Variants in PCDHGC3 observed in about 807,000 individuals in gnomAD.
PCDHGC3 encodes protocadherin gamma subfamily C, 3.
PCDHGC3 carries 26 observed loss-of-function variants against 59.2 expected under a neutral mutation model. The ratio of observed to expected loss-of-function variants is 0.44; its 90% CI spans 0.32 to 0.61. The LOEUF (loss-of-function observed/expected upper bound fraction) is 0.61, where lower values mean the gene tolerates loss of function less well. Among genes scored for constraint, PCDHGC3 ranks in the 20% least tolerant of loss-of-function variants. The pLI, the probability that PCDHGC3 is intolerant of heterozygous loss-of-function variation, is 0.05. For synonymous variants in PCDHGC3, 487 were observed against 519.7 expected (o/e 0.94, Z 0.86); for missense variants, 1,080 against 1,221.8 (o/e 0.88, Z 1.73).
chr5:141,478,072 G>A lies in PCDHGC3; in HGVS notation c.1956G>A (p.Gly652=), dbSNP rs752905249. ...QTLTVLIKDN[G]EPSLSTTATL... Reference sequence around the variant, plus strand: ...TCACGGTCTTGATCAAAGACAATGGGGAGCCTTCGCTCTCCACCACTGCTA... The same window carrying A: ...TCACGGTCTTGATCAAAGACAATGGAGAGCCTTCGCTCTCCACCACTGCTA... The change falls in exon 1 of 4, where the codon GGG becomes GGA. Residue 652 remains glycine (G), a synonymous_variant. Coordinates refer to ENST00000308177, the MANE Select transcript of PCDHGC3 (RefSeq NM_002588.4). The A allele has an allele frequency of 6.2e-7, 1 of 1,614,048 alleles. No homozygotes were observed. Among genetic ancestry groups the A allele is most frequent in the Admixed American group, 1.7e-5 (1 of 60,022 alleles).
At chr5:141,501,036 T>C (rs893597004) in intron 2 of PCDHGC3, among the ~76,000 whole-genome samples, 4 of 151,702 alleles carry the variant, frequency 2.6e-5, no homozygotes, top group Non-Finnish European at 4.4e-5. Flanking sequence ...GCCCAGCTAA[T>C]TTTTGTATTT....
In PCDHGC3 at chr5:141,511,460, A is replaced by ACCC. The variant is rs1367357803; in HGVS notation, c.*289_*291dup. The ACCC allele has an allele frequency of 2.4e-4, 137 of 564,806 alleles. 1 individual carries two copies. In the Middle Eastern group the frequency reaches 2.7e-3, roughly 11 times the overall value. The allele number at this position is 564,806 out of a possible 1,614,324, so 35.0% of individuals were successfully genotyped here. A position where few individuals can be genotyped will look rare whatever the true frequency, so the allele number is the denominator to read the frequency against. ...GTAGACACCAAGAACCATTTGCCAC[A>ACCC]CCCCGTTTAGTTACAGCTGAACTCC... On this transcript the variant is annotated 3_prime_UTR_variant, in exon 4 of 4. Transcript: ENST00000308177.
rs769461165 is a variant in PCDHGC3, at chr5:141,491,293, C to G, written c.2431-3514C>G. 2 of 1,614,048 alleles carry G rather than the reference C, an allele frequency of 1.2e-6. No individual in the cohort carries two copies. Among genetic ancestry groups the G allele is most frequent in the Admixed American group, 3.3e-5 (2 of 60,008 alleles). ...ATCCAGTGACTTCCTCATACACCCT[C>G]CTGAGCGTTCAGACCTTACCCTTTA... On this transcript the variant is annotated intron_variant, in intron 1 of 3. Coordinates refer to ENST00000308177, the MANE Select transcript of PCDHGC3 (RefSeq NM_002588.4). This position sits in a 1 kb window ranked among gnomAD's most constrained non-coding sequence, Gnocchi z 6.9.
Position 141,478,415 on chromosome 5 carries a change from C to A in PCDHGC3, c.2299C>A (p.Arg767Ser), listed in dbSNP as rs182700706. 5.6e-6 allele frequency: 9 copies of A among 1,613,648 alleles called. No homozygotes were observed. In the East Asian group the frequency reaches 2.0e-4, roughly 36 times the overall value. ...TCAGGTGTATCTCACCACGGACTCC[C>A]GCCGCAGCGACCCGCTGCTGAAGAA... The part of the protein sequence containing the change: ...YHQVYLTTDS[R>S]RSDPLLKKPG... The change falls in exon 1 of 4, where the codon CGC becomes AGC. Residue 767 changes from arginine to serine, a missense_variant. Physicochemically the swap from Arg to Ser is moderately radical, Grantham distance 110 (BLOSUM62 -1). Coordinates refer to ENST00000308177, the MANE Select transcript of PCDHGC3 (RefSeq NM_002588.4).
chr5:141,497,413 T>C (rs572922456), intron 2 of PCDHGC3, among the ~76,000 whole-genome samples: 8 of 152,046 alleles, frequency 5.3e-5, no homozygotes, highest in Admixed American at 5.2e-4. Context: ...TCCCATTCCA[T>C]CAAATGAGAG....
chr5:141,509,586 T>A (rs2154594569), intron 3 of PCDHGC3, among the ~76,000 whole-genome samples: 1 of 152,302 alleles, frequency 6.6e-6, no homozygotes, highest in East Asian at 1.9e-4. Flanking sequence ...ACAAATCAGC[T>A]GGCAATTCCG....
In PCDHGC3 at chr5:141,489,873, G is replaced by A. The variant is rs1252665956; in HGVS notation, c.2431-4934G>A. The A allele has an allele frequency of 4.3e-6, 7 of 1,614,224 alleles. No homozygotes were observed. The highest frequency in any genetic ancestry group is 5.9e-6 in the Non-Finnish European group (7 of 1,180,030). On this transcript the variant is annotated intron_variant, in intron 1 of 3. Coordinates refer to ENST00000308177, the MANE Select transcript of PCDHGC3 (RefSeq NM_002588.4). The surrounding 1 kb of genome is among the most constrained non-coding windows in gnomAD (Gnocchi z 4.5). Reference sequence around the variant, plus strand: ...AAGCCCAGGCAAGACATCAGCTGGTGCTTACTGCTGTGGATGGGGGGACCC... The same window carrying A: ...AAGCCCAGGCAAGACATCAGCTGGTACTTACTGCTGTGGATGGGGGGACCC...
At position 141,475,977 on chromosome 5, in the gene PCDHGC3, A is replaced by C; in HGVS notation, c.-140A>C. ...CCCCGGGATGAGGCAGAGACTGAAC[A>C]GCCGGCGAGCAAATCAACGGCATCC... On this transcript the variant is annotated 5_prime_UTR_variant, in exon 1 of 4. Coordinates refer to ENST00000308177, the MANE Select transcript of PCDHGC3 (RefSeq NM_002588.4). The C allele has an allele frequency of 1.0e-6, 1 of 972,828 alleles. No individual in the cohort carries two copies. Among genetic ancestry groups the C allele is most frequent in the Non-Finnish European group, 1.5e-6 (1 of 659,192 alleles). The allele number at this position is 972,828 out of a possible 1,614,324, so 60.3% of individuals were successfully genotyped here. A position where few individuals can be genotyped will look rare whatever the true frequency, so the allele number is the denominator to read the frequency against.
Position 141,489,147 on chromosome 5 carries a change from A to G in PCDHGC3, c.2431-5660A>G. On this transcript the variant is annotated intron_variant, in intron 1 of 3. Coordinates refer to ENST00000308177, the MANE Select transcript of PCDHGC3 (RefSeq NM_002588.4). The surrounding 1 kb of genome is among the most constrained non-coding windows in gnomAD (Gnocchi z 4.5). ...GCAGTTTTTAAGAGGCTGGAAGGAG[A>G]CATAAGAGACTTCAGCTGCTGCATT... The G allele has an allele frequency of 1.2e-6, 1 of 802,676 alleles. No homozygotes were observed. Among genetic ancestry groups the G allele is most frequent in the Non-Finnish European group, 1.9e-6 (1 of 528,868 alleles). 49.7% of individuals were successfully genotyped at this position (802,676 alleles called of 1,614,324 possible). A position where few individuals can be genotyped will look rare whatever the true frequency, so the allele number is the denominator to read the frequency against.
rs568123995 is a variant in PCDHGC3 at position 141,511,539 on chromosome 5, C to G, written c.*366C>G. The G allele has an allele frequency of 3.0e-5, 10 of 328,342 alleles. No individual in the cohort carries two copies. The highest frequency in any genetic ancestry group is 2.1e-4 in the African/African-American group (10 of 47,452). The allele number at this position is 328,342 out of a possible 1,614,324, so 20.3% of individuals were successfully genotyped here. ...CATCCCATGCCTCCCTCCTCCCCAC[C>G]CCACTCCAACAGTTCCTCTTTCCCG... On this transcript the variant is annotated 3_prime_UTR_variant, in exon 4 of 4. Transcript: ENST00000308177.
chr5:141,494,936 G>C, intron 2 of PCDHGC3, 71 bp downstream of exon 2: 1 of 1,612,574 alleles, frequency 6.2e-7, no homozygotes, highest in South Asian at 1.1e-5. Flanking sequence ...GGAGGAGATG[G>C]GGGAGGGCCC....
chr5:141,477,268 C>T lies in PCDHGC3; in HGVS notation c.1152C>T (p.Asn384=). The part of the protein sequence containing the change: ...LSVTDLDAGE[N]GLVTCEVPPG... ...TGACTGACCTGGATGCTGGCGAGAA[C>T]GGGCTGGTGACCTGCGAAGTTCCAC... The change falls in exon 1 of 4, where the codon AAC becomes AAT. Residue 384 remains asparagine (N), a synonymous_variant. Transcript: ENST00000308177. The surrounding 1 kb of genome is among the most constrained non-coding windows in gnomAD (Gnocchi z 4.9). The T allele has an allele frequency of 6.2e-7, 1 of 1,614,196 alleles. No individual in the cohort carries two copies. The highest frequency in any genetic ancestry group is 8.5e-7 in the Non-Finnish European group (1 of 1,180,030).
rs556656447 is a variant in PCDHGC3 at position 141,500,319 on chromosome 5, C to CT, written c.2490-5073dup. Among the ~76,000 whole-genome samples the CT allele has an allele frequency of 2.6e-5, 4 of 152,122 alleles. No homozygotes were observed. The South Asian group carries it at 8.3e-4, about 32-fold the overall frequency. Reference sequence around the variant, plus strand: ...CGCCTCCCAGGTTCACGCCATGCTCCTGCCTCAGCCTCCAGAATAGCTGGG... The same window carrying CT: ...CGCCTCCCAGGTTCACGCCATGCTCCTTGCCTCAGCCTCCAGAATAGCTGGG... On this transcript the variant is annotated intron_variant, in intron 2 of 3. Coordinates refer to ENST00000308177, the MANE Select transcript of PCDHGC3 (RefSeq NM_002588.4).
intron 3 of PCDHGC3, 72 bp from the exon 4 acceptor site, chr5:141,510,875 C>T: frequency 6.2e-7 from 1 of 1,610,120 alleles, no homozygotes; most frequent in Admixed American, 1.7e-5. Context: ...TCATTAACTG[C>T]TGGGGATATA....
chr5:141,491,955 A>T lies in PCDHGC3; in HGVS notation c.2431-2852A>T. Reference sequence around the variant, plus strand: ...GGGACCGACCCCCACCCCTACACTCAAAAAAGGCCGGGGCCTCCTTCGAGC... The same window carrying T: ...GGGACCGACCCCCACCCCTACACTCTAAAAAGGCCGGGGCCTCCTTCGAGC... On this transcript the variant is annotated intron_variant, in intron 1 of 3. Coordinates refer to ENST00000308177, the MANE Select transcript of PCDHGC3 (RefSeq NM_002588.4). This position sits in a 1 kb window ranked among gnomAD's most constrained non-coding sequence, Gnocchi z 6.9. 9.7e-7 allele frequency: 1 copy of T among 1,029,648 alleles called. No homozygotes were observed. The highest frequency in any genetic ancestry group is 2.2e-5 in the South Asian group (1 of 44,530). The allele number at this position is 1,029,648 out of a possible 1,614,324, so 63.8% of individuals were successfully genotyped here. A position where few individuals can be genotyped will look rare whatever the true frequency, so the allele number is the denominator to read the frequency against.
chr5:141,485,689 G>A lies in PCDHGC3; in HGVS notation c.2430+7143G>A. On this transcript the variant is annotated intron_variant, in intron 1 of 3. Transcript: ENST00000308177. This position sits in a 1 kb window ranked among gnomAD's most constrained non-coding sequence, Gnocchi z 5.7. ...GCAATTCGATTAGCAGCTATAGGCT[G>A]AGCTCCAATGAACACTTTGCACTGG... The A allele has an allele frequency of 6.2e-7, 1 of 1,614,086 alleles. No individual in the cohort carries two copies. The highest frequency in any genetic ancestry group is 8.5e-7 in the Non-Finnish European group (1 of 1,179,970).
At chr5:141,492,705 C>T (rs2099743225) in intron 1 of PCDHGC3, among the ~76,000 whole-genome samples, 1 of 152,258 alleles carries the variant, frequency 6.6e-6, no homozygotes, top group South Asian at 2.1e-4. Flanking sequence ...ACCCAGAAGC[C>T]TCGAGCAGGC....
chr5:141,494,746 C>A lies in PCDHGC3; in HGVS notation c.2431-61C>A. 3 of 1,613,088 alleles carry A rather than the reference C, an allele frequency of 1.9e-6. No individual in the cohort carries two copies. The South Asian group carries it at 3.3e-5, about 18-fold the overall frequency. On this transcript the variant is annotated intron_variant, in intron 1 of 3. Coordinates refer to ENST00000308177, the MANE Select transcript of PCDHGC3 (RefSeq NM_002588.4). ...TTCTCTCCCGGCCCATCCCTAGGGG[C>A]TCGGGTGACATTCTAACTTCTCACG...
At position 141,477,576 on chromosome 5, in the gene PCDHGC3, C is replaced by A; in HGVS notation, c.1460C>A (p.Pro487Gln). The A allele has an allele frequency of 6.2e-7, 1 of 1,614,162 alleles. No homozygotes were observed. The highest frequency in any genetic ancestry group is 8.5e-7 in the Non-Finnish European group (1 of 1,180,026). The change falls in exon 1 of 4, where the codon CCG becomes CAG. Residue 487 changes from proline (P) to glutamine (Q), a missense_variant. Pro to Gln is a moderately conservative substitution (Grantham distance 76). Transcript: ENST00000308177. The surrounding 1 kb of genome is among the most constrained non-coding windows in gnomAD (Gnocchi z 4.9). ...CTAAGTGTCTGGGACCCCGACGCCC[C>A]GCAGAATGCTCGGCTTTCTTTCTTT... The part of the protein sequence containing the change: ...LNLSVWDPDA[P>Q]QNARLSFFLL...
Sources: gnomAD v4.1 joint callset for allele counts (sites outside exome capture counted in the v4.1 genomes callset) on GRCh38, gnomAD v4.1.1 for gene constraint, Gnocchi (gnomAD v3.1) non-coding constraint, MANE v1.5 for transcripts, NCBI Gene and HGNC (gene_info 2026-07-23, HGNC 2026-07-21) for gene names.